The following USH2A variants were observed in gnomAD, a reference collection of about 807,000 sequenced individuals.
USH2A encodes the protein Usher syndrome 2A (autosomal recessive, mild).
USH2A carries 443 observed loss-of-function variants against 538.9 expected under a neutral mutation model. That is an observed-to-expected ratio of 0.82 (90% CI 0.76 to 0.89). The LOEUF (loss-of-function observed/expected upper bound fraction) is 0.89, where lower values mean the gene tolerates loss of function less well. Ranked by LOEUF, USH2A falls within the 40% of genes least tolerant of loss-of-function variation. The pLI is 0.00. For missense variants in USH2A, 6,633 were observed against 6,324.8 expected, an observed-to-expected ratio of 1.05 and a Z score of -1.65; for synonymous variants, 2,413 against 2,273.5, an observed-to-expected ratio of 1.06 and a Z score of -1.75.
intron 13 of USH2A, among the ~76,000 whole-genome samples, chr1:216,233,472 C>T (rs906344597): frequency 2.0e-5 from 3 of 152,088 alleles, no homozygotes; most frequent in Non-Finnish European, 4.4e-5. Context: ...AATCTAACTT[C>T]CATAAGGGCA....
chr1:216,053,454 C>CTTT (rs34981846), intron 30 of USH2A, among the ~76,000 whole-genome samples: 50 of 111,174 alleles, frequency 4.5e-4, no homozygotes, highest in African/African-American at 1.5e-3. Flanking sequence ...CCAGAGAAGT[C>CTTT]TTTTTTTTTT....
chr1:216,048,788 C>T, intron 30 of USH2A, 141 bp from the exon 31 acceptor site: 1 of 790,380 alleles, frequency 1.3e-6, no homozygotes, highest in East Asian at 2.6e-5. Flanking sequence ...AAACATATTC[C>T]TCTTTCAGTC....
At position 216,072,890 on chromosome 1, in the gene USH2A, T is replaced by C. The variant is rs772046465; in HGVS notation, c.5856A>G (p.Ala1952=). 1.2e-6 allele frequency: 2 copies of C among 1,613,766 alleles called. No homozygotes were observed. Among genetic ancestry groups the C allele is most frequent in the East Asian group, 2.2e-5 (1 of 44,872 alleles). Residue 1952 remains alanine (A), a splice_region_variant and synonymous_variant, in exon 29 of 72, where the codon GCA becomes GCG. Transcript: ENST00000307340. Reference sequence around the variant, plus strand: ...ATGCATTTGAAGATAAGTATTTACCTGCTCCTGTTGTACGTCCTCGACTCC... The same window carrying C: ...ATGCATTTGAAGATAAGTATTTACCCGCTCCTGTTGTACGTCCTCGACTCC... The part of the protein sequence containing the change: ...SDWSRGRTTG[A]APQSVPTPSR...
At chr1:216,165,955 C>T (rs1369852318) in intron 21 of USH2A, among the ~76,000 whole-genome samples, 1 of 151,992 alleles carries the variant, frequency 6.6e-6, no homozygotes, top group African/African-American at 2.4e-5. Flanking sequence ...TTTTATCCCT[C>T]ACCCCATCCC....
In USH2A at chr1:215,908,177, G is replaced by A. The variant is rs185710437; in HGVS notation, c.7301-7272C>T. 3.0e-3 allele frequency among the ~76,000 whole-genome samples: 455 copies of A among 151,980 alleles called. 1 individual carries two copies. The highest frequency in any genetic ancestry group is 5.3e-3 in the Non-Finnish European group (361 of 67,918). On this transcript the variant is annotated intron_variant, in intron 38 of 71. Transcript: ENST00000307340. ...CTCAATGAATAGTAGATAGAAACCTGTGGTTTCATACATGTCCCTTTTGTT... is the reference window on the plus strand; with the variant it reads ...CTCAATGAATAGTAGATAGAAACCTATGGTTTCATACATGTCCCTTTTGTT...
chr1:216,349,215 A>T (rs992726437), intron 4 of USH2A, among the ~76,000 whole-genome samples: 1 of 152,086 alleles, frequency 6.6e-6, no homozygotes, highest in Admixed American at 6.6e-5. Context: ...AAGACAAGAG[A>T]CCCTAATTGT....
At chr1:215,816,094 GAT>G (rs1324215511) in intron 48 of USH2A, among the ~76,000 whole-genome samples, 5 of 151,982 alleles carry the variant, frequency 3.3e-5, no homozygotes, top group African/African-American at 1.2e-4. Flanking sequence ...TTAAGTGGAG[GAT>G]ATGTTTAATG....
At chr1:215,958,057 C>T (rs1378386033) in intron 37 of USH2A, among the ~76,000 whole-genome samples, 1 of 152,176 alleles carries the variant, frequency 6.6e-6, no homozygotes, top group Non-Finnish European at 1.5e-5. Flanking sequence ...AGCCTTCCTA[C>T]AGACTCTTTG....
chr1:215,706,221 C>G (rs887290508), intron 61 of USH2A, among the ~76,000 whole-genome samples: 1 of 152,128 alleles, frequency 6.6e-6, no homozygotes, highest in Admixed American at 6.6e-5. Flanking sequence ...CTCTCACTAC[C>G]TCTACTAGTA....
intron 37 of USH2A, among the ~76,000 whole-genome samples, chr1:215,938,752 C>T (rs1354809039): frequency 6.6e-6 from 1 of 152,158 alleles, no homozygotes; most frequent in Non-Finnish European, 1.5e-5. Flanking sequence ...TGCCCTCCTC[C>T]ACCCTCTGTG....
chr1:215,895,785 T>G (rs1665325540), intron 40 of USH2A, among the ~76,000 whole-genome samples: 1 of 152,240 alleles, frequency 6.6e-6, no homozygotes, highest in African/African-American at 2.4e-5. Context: ...TTCTGACAGA[T>G]GCACCATTAG....
chr1:215,894,197 T>C (rs1665270502), intron 40 of USH2A, among the ~76,000 whole-genome samples: 1 of 152,204 alleles, frequency 6.6e-6, no homozygotes, highest in East Asian at 1.9e-4. Flanking sequence ...CTGAAACTTG[T>C]AGTTCCTCTT....
At chr1:216,385,494 A>T (rs1367975311) in intron 3 of USH2A, among the ~76,000 whole-genome samples, 1 of 152,210 alleles carries the variant, frequency 6.6e-6, no homozygotes, top group African/African-American at 2.4e-5. Flanking sequence ...AGGGACACAG[A>T]TATAGAATGA....
At chr1:216,190,023 G>A (rs2102654760) in intron 20 of USH2A, among the ~76,000 whole-genome samples, 200 bp downstream of exon 20, 1 of 152,006 alleles carries the variant, frequency 6.6e-6, no homozygotes, top group East Asian at 1.9e-4. Context: ...TTATGACACA[G>A]CTGTAACTCG....
chr1:215,873,286 A>T (rs746462437), intron 43 of USH2A, among the ~76,000 whole-genome samples: 2 of 152,210 alleles, frequency 1.3e-5, no homozygotes, highest in African/African-American at 2.4e-5. Flanking sequence ...TCACATTCCC[A>T]TATTAAGGAA....
Position 215,640,703 on chromosome 1 carries a change from G to A in USH2A, c.14823C>T (p.Asp4941=), listed in dbSNP as rs2102636104. The A allele has an allele frequency of 7.4e-6, 12 of 1,613,836 alleles. No individual in the cohort carries two copies. Among genetic ancestry groups the A allele is most frequent in the Non-Finnish European group, 1.0e-5 (12 of 1,180,000 alleles). The part of the protein sequence containing the change: ...LPQYRAPFSV[D]SNLSVVCVNW... ...TCACACACACCACAGACAAATTGCT[G>A]TCCACCGAAAATGGGGCTCGGTACT... Residue 4941 remains aspartate, a synonymous_variant, in exon 68 of 72, where the codon GAC becomes GAT. Transcript: ENST00000307340.
Position 215,648,621 on chromosome 1 carries a change from G to C in USH2A, c.14489C>G (p.Ser4830Ter), listed in dbSNP as rs184351619. Residue 4830 changes from serine (S) to a stop codon, truncating the protein, a stop_gained, in exon 66 of 72, where the codon TCA (serine) becomes TGA (stop). Transcript: ENST00000307340. LOFTEE classifies it high-confidence loss of function. ...AELRTHPAPP[S>*]GLSSPQIGTL... Reference sequence around the variant, plus strand: ...CCCGATTTGTGGAGAGGACAGTCCTGAGGGTGGGGCAGGATGGGTTCTCAG... The same window carrying C: ...CCCGATTTGTGGAGAGGACAGTCCTCAGGGTGGGGCAGGATGGGTTCTCAG... The C allele has an allele frequency of 1.5e-5, 24 of 1,614,222 alleles. No homozygotes were observed. The highest frequency in any genetic ancestry group is 6.8e-6 in the Non-Finnish European group (8 of 1,180,040).
chr1:215,740,981 A>G (rs1457229678), intron 60 of USH2A, among the ~76,000 whole-genome samples: 1 of 152,040 alleles, frequency 6.6e-6, no homozygotes, highest in Non-Finnish European at 1.5e-5. Context: ...CTCACCAGCC[A>G]CTCACCTGCT....
chr1:216,281,316 G>A (rs1206657151), intron 11 of USH2A, among the ~76,000 whole-genome samples: 1 of 151,784 alleles, frequency 6.6e-6, no homozygotes, highest in African/African-American at 2.4e-5. Context: ...CTTTTTTTCT[G>A]ACTATAAAAG....
Sources: allele counts gnomAD v4.1 joint callset (sites outside exome capture counted in the v4.1 genomes callset), GRCh38; gene constraint gnomAD v4.1.1; transcripts MANE v1.5; gene names NCBI Gene and HGNC (gene_info 2026-07-23, HGNC 2026-07-21).